NEB: variants seen among roughly 807,000 people sequenced by gnomAD.
The protein encoded by NEB is nebulin.
A neutral mutation model predicts 952.2 loss-of-function variants in NEB; 512 were observed. That is an observed-to-expected ratio of 0.54 (90% CI 0.50 to 0.58). NEB has a LOEUF of 0.58. Ranked by LOEUF, NEB falls within the 20% of genes least tolerant of loss-of-function variation. NEB has a pLI of 0.00. For missense variants in NEB, 8,428 were observed against 9,231.1 expected, an observed-to-expected ratio of 0.91 and a Z score of 3.56; for synonymous variants, 2,900 against 3,149.8, an observed-to-expected ratio of 0.92 and a Z score of 2.66.
chr2:151,553,484 G>A lies in NEB; in HGVS notation c.19645C>T (p.Leu6549Phe). ...QISDIVYKDD[L>F]NWLKGIGCYV... is the part of the protein sequence containing the mutation. ...CAACCAATGCCTTTCAGCCAGTTGAGGTCATCCTTGTATACAATCTAGAGG... is the reference window on the plus strand; with the variant it reads ...CAACCAATGCCTTTCAGCCAGTTGAAGTCATCCTTGTATACAATCTAGAGG... The change falls in exon 127 of 182, where the codon CTC becomes TTC. Residue 6549 changes from leucine (L) to phenylalanine (F), a missense_variant. Physicochemically the swap from Leu to Phe is conservative, Grantham distance 22. This residue lies in a region of NEB where 3,374 missense variants were observed against 3,651.5 expected (regional missense o/e 0.92). Transcript: ENST00000397345. 1.2e-6 allele frequency: 2 copies of A among 1,612,794 alleles called. No individual in the cohort carries two copies.
chr2:151,543,990 A>G (rs1284606735), intron 135 of NEB, among the ~76,000 whole-genome samples: 1 of 152,176 alleles, frequency 6.6e-6, no homozygotes, highest in Non-Finnish European at 1.5e-5. Flanking sequence ...ATGTTTTCCA[A>G]ACTTTCCTGA....
chr2:151,720,629 A>G (rs928771700), intron 9 of NEB, among the ~76,000 whole-genome samples: 2 of 152,184 alleles, frequency 1.3e-5, no homozygotes, highest in Non-Finnish European at 2.9e-5. Flanking sequence ...GTAATCCTTC[A>G]TCTCTCCATT....
rs2099479500 is a variant in NEB at position 151,684,825 on chromosome 2, T to C, written c.2788A>G (p.Ser930Gly). The change falls in exon 28 of 182, where the codon AGC becomes GGC. Residue 930 changes from serine (S) to glycine (G), a missense_variant. Physicochemically the swap from Ser to Gly is moderately conservative, Grantham distance 56. Around this residue, in one of 11 missense-constraint regions of NEB, gnomAD observed 2,851 missense variants for 2,791.5 expected, o/e 1.02. Transcript: ENST00000397345. The part of the protein sequence containing the change: ...ILHSYSYPPD[S>G]INVDLAKKAY... ...TTCTTGGCAAGGTCCACATTGATGCTATCAGGGGGGTAGCTGTAACTGTGT... is the reference window on the plus strand; with the variant it reads ...TTCTTGGCAAGGTCCACATTGATGCCATCAGGGGGGTAGCTGTAACTGTGT... 6.2e-7 allele frequency: 1 copy of C among 1,613,238 alleles called. No homozygotes were observed. The highest frequency in any genetic ancestry group is 1.3e-5 in the African/African-American group (1 of 74,924).
At position 151,524,409 on chromosome 2, in the gene NEB, A is replaced by G; in HGVS notation, c.22381T>C (p.Tyr7461His). The stretch of plus-strand genomic sequence containing the variant: ...CCTTCCTTGCGGTGCTTGGCTCTGT[A>G]CTCCACCTGAATCAGAGAAAACCAA... The part of the protein sequence containing the change: ...QAAKQASEVE[Y>H]RAKHRKEGSH... Residue 7461 changes from tyrosine (Y) to histidine (H), a missense_variant, in exon 153 of 182, where the codon TAC (tyrosine) becomes CAC (histidine). This residue lies in a region of NEB where 3,374 missense variants were observed against 3,651.5 expected (regional missense o/e 0.92). Coordinates refer to ENST00000397345, the MANE Select transcript of NEB (RefSeq NM_001164508.2). 1 of 1,613,838 alleles carries G rather than the reference A, an allele frequency of 6.2e-7. No homozygotes were observed. The highest frequency in any genetic ancestry group is 8.5e-7 in the Non-Finnish European group (1 of 1,179,842).
At position 151,538,203 on chromosome 2, in the gene NEB, G is replaced by T. The variant is rs2153554020; in HGVS notation, c.20934C>A (p.Tyr6978Ter). 6.2e-7 allele frequency: 1 copy of T among 1,613,230 alleles called. No homozygotes were observed. Among genetic ancestry groups the T allele is most frequent in the Non-Finnish European group, 8.5e-7 (1 of 1,179,286 alleles). ...KETFQKTKGK[Y>*]HTVKDALDIV... ...TGTCTAGGGCATCTTTCACCGTGTG[G>T]TATTTCCCTTTGGTCTTTTGAAATG... Residue 6978 changes from tyrosine (Y) to a stop codon, truncating the protein, a stop_gained, in exon 139 of 182, where the codon TAC becomes TAA. Transcript: ENST00000397345. LOFTEE classifies it high-confidence loss of function.
In NEB at chr2:151,642,973, G is replaced by A. The variant is rs1213031354; in HGVS notation, c.8161-104C>T. 3.1e-5 allele frequency: 37 copies of A among 1,193,844 alleles called. 1 individual carries two copies. Among genetic ancestry groups the A allele is most frequent in the Middle Eastern group, 2.8e-4 (1 of 3,542 alleles). The allele number at this position is 1,193,844 out of a possible 1,614,324, so 74.0% of individuals were successfully genotyped here. ...ATCAAGAATTTCAGCTCAGTGAATC[G>A]GTATTTGTGACATTTTCAGGTCTAA... On this transcript the variant is annotated intron_variant, in intron 58 of 181. Coordinates refer to ENST00000397345, the MANE Select transcript of NEB (RefSeq NM_001164508.2).
rs144503367 is a variant in NEB at position 151,531,775 on chromosome 2, G to C, written c.21522+17C>G. ...CCCCCTGAGTTTGAGAAGGTATTCA[G>C]TGTTTCTTGCACTTACATCGCTGAT... On this transcript the variant is annotated intron_variant, in intron 144 of 181. Coordinates refer to ENST00000397345, the MANE Select transcript of NEB (RefSeq NM_001164508.2). 1 of 1,574,484 alleles carries C rather than the reference G, an allele frequency of 6.4e-7. No homozygotes were observed. The highest frequency in any genetic ancestry group is 1.3e-5 in the African/African-American group (1 of 74,104).
intron 24 of NEB, chr2:151,689,474 G>T: frequency 6.6e-6 from 1 of 151,884 alleles, no homozygotes; most frequent in South Asian, 2.1e-4. Flanking sequence ...CAAAGTGCTG[G>T]GATCACAGGC....
At position 151,614,512 on chromosome 2, in the gene NEB, T is replaced by C. The variant is rs778896294; in HGVS notation, c.11365A>G (p.Met3789Val). The C allele has an allele frequency of 6.2e-7, 1 of 1,613,908 alleles. No homozygotes were observed. Among genetic ancestry groups the C allele is most frequent in the South Asian group, 1.1e-5 (1 of 91,080 alleles). ...GARNIKDDPK[M>V]MWSIHVAKIQ... ...TTGGCCACATGGATGGACCACATCA[T>C]CTTCGGGTCATCCTTAATGTTCCGG... Residue 3789 changes from methionine to valine, a missense_variant, in exon 77 of 182, where the codon ATG becomes GTG. Coordinates refer to ENST00000397345, the MANE Select transcript of NEB (RefSeq NM_001164508.2).
chr2:151,565,002 C>T (rs2096288616), intron 117 of NEB, 42 bp downstream of exon 117: 1 of 1,222,768 alleles, frequency 8.2e-7, no homozygotes, highest in South Asian at 1.4e-5. Context: ...ACAAGAGCTT[C>T]AAATTAGAAA....
chr2:151,527,518 AAGT>A lies in NEB; in HGVS notation c.21800_21802del (p.Asp7267_Phe7268delinsVal), dbSNP rs2087078060. The A allele has an allele frequency of 1.2e-6, 2 of 1,613,354 alleles. No individual in the cohort carries two copies. The highest frequency in any genetic ancestry group is 2.7e-5 in the African/African-American group (2 of 74,896). ...CAGGGATGACTTGGCAGCCTGGAGG[AAGT>A]CCGGTCGGTCAGGAGTCCACTTCCA... On this transcript the variant is annotated inframe_deletion, in exon 147 of 182. Coordinates refer to ENST00000397345, the MANE Select transcript of NEB (RefSeq NM_001164508.2).
At chr2:151,567,978 C>A in intron 113 of NEB, 93 bp downstream of exon 113, 1 of 932,964 alleles carries the variant, frequency 1.1e-6, no homozygotes, top group Non-Finnish European at 1.7e-6. Context: ...AAACTGAACA[C>A]CTGGAAGGTG....
chr2:151,664,917 T>A, intron 42 of NEB, 54 bp from the exon 43 acceptor site: 1 of 1,298,100 alleles, frequency 7.7e-7, no homozygotes. Context: ...TTTGACCCAA[T>A]GCTAGCAAGA....
At chr2:151,576,685 T>C (rs2096877069) in intron 105 of NEB, among the ~76,000 whole-genome samples, 1 of 150,890 alleles carries the variant, frequency 6.6e-6, no homozygotes, top group African/African-American at 2.4e-5. Context: ...GCACGTGCCA[T>C]GATGCCTGTC....
Position 151,527,559 on chromosome 2 carries a change from G to A in NEB, c.21762C>T (p.Ala7254=), listed in dbSNP as rs1165988292. 3.1e-6 allele frequency: 5 copies of A among 1,612,748 alleles called. No individual in the cohort carries two copies. Among genetic ancestry groups the A allele is most frequent in the Non-Finnish European group, 4.2e-6 (5 of 1,179,436 alleles). ...TNLDYKKQYE[A]NKAHWKWTPD... ...GAGTCCACTTCCAGTGGGCTTTGTT[G>A]GCTTCGTACTGTTTCTTATAGTCCA... Residue 7254 remains alanine, a synonymous_variant, in exon 147 of 182, where the codon GCC becomes GCT. Transcript: ENST00000397345.
At chr2:151,734,340 G>A (rs2099816428) in intron 1 of NEB, 58 bp downstream of exon 1, 1 of 152,110 alleles carries the variant, frequency 6.6e-6, no homozygotes, top group African/African-American at 2.4e-5. Context: ...TACTTCGAGG[G>A]AAGTTGTGGA....
chr2:151,626,242 G>A (rs2098522330), intron 70 of NEB, among the ~76,000 whole-genome samples: 1 of 151,302 alleles, frequency 6.6e-6, no homozygotes, highest in African/African-American at 2.4e-5. Context: ...AGCCTCCCAA[G>A]TACCTAAGAC....
In NEB at chr2:151,662,277, A is replaced by G. The variant is rs531692437; in HGVS notation, c.5828T>C (p.Leu1943Pro). Reference protein sequence around the residue: ...KGIGWLPLGSLEAEKNKKAME... With the variant: ...KGIGWLPLGSPEAEKNKKAME... ...GGCTTTCTTGTTTTTCTCTGCTTCCAGGGAGCCCAGAGGGAGCCATCCAAT... is the reference window on the plus strand; with the variant it reads ...GGCTTTCTTGTTTTTCTCTGCTTCCGGGGAGCCCAGAGGGAGCCATCCAAT... Residue 1943 changes from leucine to proline, a missense_variant, in exon 46 of 182, where the codon CTG (leucine) becomes CCG (proline). Coordinates refer to ENST00000397345, the MANE Select transcript of NEB (RefSeq NM_001164508.2). 1.2e-5 allele frequency: 20 copies of G among 1,613,506 alleles called. No individual in the cohort carries two copies. The highest frequency in any genetic ancestry group is 1.7e-5 in the Admixed American group (1 of 59,980).
chr2:151,693,083 C>A (rs1437390087), intron 20 of NEB, among the ~76,000 whole-genome samples: 3 of 152,152 alleles, frequency 2.0e-5, no homozygotes, highest in African/African-American at 7.2e-5. Flanking sequence ...TTCTGTTGAG[C>A]ACTTGGTGAA....
Sources: allele counts gnomAD v4.1 joint callset (sites outside exome capture counted in the v4.1 genomes callset), GRCh38; gene constraint gnomAD v4.1.1; regional missense constraint gnomAD v4.1.1; transcripts MANE v1.5; gene names NCBI Gene and HGNC (gene_info 2026-07-23, HGNC 2026-07-21).